MCM3AP: variants seen among roughly 807,000 people sequenced by gnomAD.
The protein encoded by MCM3AP is minichromosome maintenance complex component 3 associated protein, also known as germinal-center associated nuclear protein.
Under a neutral mutation model 184.1 loss-of-function variants are expected in MCM3AP, and 126 were observed. The ratio of observed to expected loss-of-function variants is 0.68; its 90% confidence interval spans 0.59 to 0.79. The LOEUF (loss-of-function observed/expected upper bound fraction) is 0.79, where lower values mean the gene tolerates loss of function less well. Among genes scored for constraint, MCM3AP ranks in the 30% least tolerant of loss-of-function variants. The pLI is 0.00. For synonymous variants in MCM3AP, 1,002 were observed against 979.3 expected (o/e 1.02, Z -0.43); for missense variants, 2,496 against 2,479.2 (o/e 1.01, Z -0.14).
At position 46,240,975 on chromosome 21, in the gene MCM3AP, G is replaced by A. The variant is rs1569050180; in HGVS notation, c.5469C>T (p.Pro1823=). 6.2e-7 allele frequency: 1 copy of A among 1,614,078 alleles called. No homozygotes were observed. The highest frequency in any genetic ancestry group is 8.5e-7 in the Non-Finnish European group (1 of 1,180,002). The change falls in exon 26 of 28, where the codon CCC becomes CCT. Residue 1823 remains proline, a synonymous_variant. Coordinates refer to ENST00000291688, the MANE Select transcript of MCM3AP (RefSeq NM_003906.5). The part of the protein sequence containing the change: ...KPFHPSANNF[P]IPLLHMHRNW... ...TACGGTGCATGTGAAGCAATGGTAT[G>A]GGAAAATTGTTTGCAGAAGGATGAA...
intron 16 of MCM3AP, among the ~76,000 whole-genome samples, chr21:46,257,663 G>C (rs1042370896): frequency 6.6e-6 from 1 of 152,006 alleles, no homozygotes; most frequent in South Asian, 2.1e-4. Context: ...GCTCACGCCT[G>C]TAATCCCAGC....
chr21:46,283,752 CTG>C lies in MCM3AP; in HGVS notation c.1304_1305del (p.Thr435SerfsTer9). The C allele has an allele frequency of 6.2e-7, 1 of 1,614,140 alleles. No homozygotes were observed. Among genetic ancestry groups the C allele is most frequent in the Non-Finnish European group, 8.5e-7 (1 of 1,179,992 alleles). ...TCAGGGATGTTCTTGCACTGGATGGCTGTGACTTCAGAGGGAGACAAGCCCCC... is the reference window on the plus strand; with the variant it reads ...TCAGGGATGTTCTTGCACTGGATGGCTGACTTCAGAGGGAGACAAGCCCCC... ...SLGGLSPSEV[T>X]AIQCKNIPDY... On this transcript the variant is annotated frameshift_variant, in exon 2 of 28. Coordinates refer to ENST00000291688, the MANE Select transcript of MCM3AP (RefSeq NM_003906.5). LOFTEE classifies it high-confidence loss of function.
intron 16 of MCM3AP, among the ~76,000 whole-genome samples, chr21:46,257,924 CAAAA>C (rs5844261): frequency 2.1e-5 from 2 of 97,068 alleles, no homozygotes. Flanking sequence ...GACTCCATCT[CAAAA>C]AAAAAAAAAA....
At position 46,261,255 on chromosome 21, in the gene MCM3AP, G is replaced by A. The variant is rs752661905; in HGVS notation, c.3467+25C>T. The A allele has an allele frequency of 3.1e-6, 5 of 1,612,684 alleles. No individual in the cohort carries two copies. In the South Asian group the frequency reaches 3.3e-5, roughly 11 times the overall value. ...TGTGTCCACACTGAGCTCCTTATTC[G>A]GCTGCATGGACAAGACACACTTACC... On this transcript the variant is annotated intron_variant, in intron 14 of 27. Transcript: ENST00000291688.
intron 8 of MCM3AP, among the ~76,000 whole-genome samples, chr21:46,271,023 C>G (rs2081172111): frequency 6.6e-6 from 1 of 152,166 alleles, no homozygotes; most frequent in Non-Finnish European, 1.5e-5. Context: ...GTCAGCTGTG[C>G]TGGATGGTAA....
chr21:46,263,793 A>G lies in MCM3AP; in HGVS notation c.3335+324T>C, dbSNP rs1298504831. 2.0e-5 allele frequency among the ~76,000 whole-genome samples: 3 copies of G among 147,582 alleles called. No individual in the cohort carries two copies. In the East Asian group the frequency reaches 5.9e-4, roughly 29 times the overall value. On this transcript the variant is annotated intron_variant, in intron 13 of 27. Transcript: ENST00000291688. ...AAGACTCCATCTCAAAAAAAAAAAAAAAAAAAAAAAAAAAAAAAGATGACA... is the reference window on the plus strand; with the variant it reads ...AAGACTCCATCTCAAAAAAAAAAAAGAAAAAAAAAAAAAAAAAAGATGACA...
At chr21:46,251,431 A>T in intron 20 of MCM3AP, 98 bp downstream of exon 20, 10 of 1,003,428 alleles carry the variant, frequency 1.0e-5, no homozygotes, top group Non-Finnish European at 1.4e-5. Flanking sequence ...TCAAAACCAC[A>T]TTAGGGAATA....
chr21:46,273,402 G>A lies in MCM3AP; in HGVS notation c.2182C>T (p.Arg728Cys). ...DWYDFVWNRT[R>C]GIRKDITQQH... ...GCAGCCAATACCTTCCGTATGCCAC[G>A]CGTGCGGTTCCACACGAAGTCATAC... The change falls in exon 7 of 28, where the codon CGT becomes TGT. Residue 728 changes from arginine to cysteine, a missense_variant. Around this residue, in one of 5 missense-constraint regions of MCM3AP, gnomAD observed 130 missense variants for 199.8 expected, o/e 0.65. Coordinates refer to ENST00000291688, the MANE Select transcript of MCM3AP (RefSeq NM_003906.5). 6.2e-7 allele frequency: 1 copy of A among 1,613,868 alleles called. No individual in the cohort carries two copies. Among genetic ancestry groups the A allele is most frequent in the Non-Finnish European group, 8.5e-7 (1 of 1,179,778 alleles).
At position 46,244,994 on chromosome 21, in the gene MCM3AP, C is replaced by G; in HGVS notation, c.4851G>C (p.Gln1617His). ...CAGAGGACACCACAGAAGCCAGGAA[C>G]TGCAGCACACTGTTAAACAGCTCAA... is the stretch of plus-strand genomic sequence containing the variant. ...AIIELFNSVL[Q>H]FLASVVSSEQ... Residue 1617 changes from glutamine to histidine, a missense_variant, in exon 23 of 28, where the codon CAG (glutamine) becomes CAC (histidine). Gln to His is a conservative substitution (Grantham distance 24). Around this residue, in one of 5 missense-constraint regions of MCM3AP, gnomAD observed 1,323 missense variants for 1,273.4 expected, o/e 1.04. Coordinates refer to ENST00000291688, the MANE Select transcript of MCM3AP (RefSeq NM_003906.5). 1.2e-6 allele frequency: 2 copies of G among 1,614,242 alleles called. No homozygotes were observed. The highest frequency in any genetic ancestry group is 1.7e-6 in the Non-Finnish European group (2 of 1,180,038).
At position 46,277,642 on chromosome 21, in the gene MCM3AP, G is replaced by A. The variant is rs2081272468; in HGVS notation, c.1743C>T (p.Gly581=). Residue 581 remains glycine, a synonymous_variant, in exon 5 of 28, where the codon GGC becomes GGT. Transcript: ENST00000291688. ...EGDSFDSASE[G]SEGLGPCVLS... is the part of the protein sequence containing the mutation. ...GCACACATGGCCCGAGGCCCTCGGA[G>A]CCCTCGGAGGCTGAGTCAAAAGAGT... The A allele has an allele frequency of 1.2e-6, 2 of 1,611,234 alleles. No homozygotes were observed. Among genetic ancestry groups the A allele is most frequent in the Middle Eastern group, 1.7e-4 (1 of 5,986 alleles).
chr21:46,265,898 C>A, intron 11 of MCM3AP, 27 bp downstream of exon 11: 1 of 1,522,582 alleles, frequency 6.6e-7, no homozygotes, highest in Non-Finnish European at 8.8e-7. Context: ...CAGCTAGTCC[C>A]CTCACTACGA....
At chr21:46,248,742 A>T (rs1024696000) in intron 20 of MCM3AP, among the ~76,000 whole-genome samples, 1 of 152,194 alleles carries the variant, frequency 6.6e-6, no homozygotes, top group African/African-American at 2.4e-5. Flanking sequence ...AAAAGTCATG[A>T]TAAAAAGAAA....
chr21:46,258,980 C>A lies in MCM3AP; in HGVS notation c.3693G>T (p.Glu1231Asp). The change falls in exon 16 of 28, where the codon GAG becomes GAT. Residue 1231 changes from glutamate (E) to aspartate (D), a missense_variant. Glu to Asp is a conservative substitution (Grantham distance 45, BLOSUM62 2). Coordinates refer to ENST00000291688, the MANE Select transcript of MCM3AP (RefSeq NM_003906.5). ...LVEEIFQTAK[E>D]TLQELQCFCK... is the part of the protein sequence containing the mutation. The stretch of plus-strand genomic sequence containing the variant: ...AGAAGCACTGAAGCTCCTGGAGGGT[C>A]TCCTTTGCAGTCTGGAAGATTTCCT... The A allele has an allele frequency of 6.2e-7, 1 of 1,614,130 alleles. No homozygotes were observed. Among genetic ancestry groups the A allele is most frequent in the Non-Finnish European group, 8.5e-7 (1 of 1,180,014 alleles).
At chr21:46,257,755 C>G (rs1284821396) in intron 16 of MCM3AP, among the ~76,000 whole-genome samples, 1 of 151,702 alleles carries the variant, frequency 6.6e-6, no homozygotes, top group Non-Finnish European at 1.5e-5. Flanking sequence ...CCCATCTCTA[C>G]TAAAAATAAA....
intron 20 of MCM3AP, 84 bp downstream of exon 20, chr21:46,251,445 A>C: frequency 9.0e-7 from 1 of 1,110,364 alleles, no homozygotes; most frequent in Non-Finnish European, 1.3e-6. Flanking sequence ...GGGAATAAGC[A>C]GTATTTGCAT....
intron 15 of MCM3AP, among the ~76,000 whole-genome samples, chr21:46,259,926 AT>A (rs2081019929): frequency 6.7e-6 from 1 of 148,290 alleles, no homozygotes; most frequent in South Asian, 2.2e-4. Context: ...AAAAAAAAAA[AT>A]TAGCTGGGCA....
At chr21:46,254,876 G>A (rs373785487) in intron 17 of MCM3AP, 32 bp from the exon 18 acceptor site, 93 of 1,564,606 alleles carry the variant, frequency 5.9e-5, no homozygotes, top group Non-Finnish European at 7.3e-5. Flanking sequence ...CAGTGTCCCC[G>A]CAGGAGCTTA....
chr21:46,250,672 C>T (rs539015637), intron 20 of MCM3AP: 1 of 152,278 alleles, frequency 6.6e-6, no homozygotes, highest in East Asian at 1.9e-4. Flanking sequence ...AAGTAGATAC[C>T]CTTCAGTCAA....
At chr21:46,283,904 G>T (rs1173358265) in intron 1 of MCM3AP, 66 bp from the exon 2 acceptor site, 1 of 1,548,636 alleles carries the variant, frequency 6.5e-7, no homozygotes. Context: ...CACCAACTGT[G>T]TCGAAGCAGA....
Sources: gnomAD v4.1 joint callset for allele counts (sites outside exome capture counted in the v4.1 genomes callset) on GRCh38, gnomAD v4.1.1 for gene constraint, gnomAD v4.1.1 regional missense constraint, MANE v1.5 for transcripts, NCBI Gene and HGNC (gene_info 2026-07-23, HGNC 2026-07-21) for gene names.